OAT: variants seen among roughly 807,000 people sequenced by gnomAD.
OAT encodes ornithine aminotransferase.
In OAT, 35 loss-of-function variants were observed where a neutral mutation model predicts 48.4. The ratio of observed to expected loss-of-function variants is 0.72; its 90% confidence interval spans 0.55 to 0.96. The LOEUF is 0.96. Ranked by LOEUF, OAT falls within the 40% of genes least tolerant of loss-of-function variation. OAT has a pLI of 0.00. For synonymous variants in OAT, 182 were observed against 198.4 expected, an observed-to-expected ratio of 0.92 and a Z score of 0.70; for missense variants, 438 against 537.9, an observed-to-expected ratio of 0.81 and a Z score of 1.84.
At chr10:124,417,160 C>T (rs534416932) in intron 1 of OAT, among the ~76,000 whole-genome samples, 1 of 149,422 alleles carries the variant, frequency 6.7e-6, no homozygotes, top group South Asian at 2.1e-4. Context: ...AAGACAGCTG[C>T]TTTGAGGGAA....
At chr10:124,399,177 A>C (rs184495089) in intron 9 of OAT, among the ~76,000 whole-genome samples, 1 of 152,234 alleles carries the variant, frequency 6.6e-6, no homozygotes, top group East Asian at 1.9e-4. Context: ...TCGCTTCCTG[A>C]GCTCAACATA....
intron 8 of OAT, 33 bp from the exon 9 acceptor site, chr10:124,401,017 G>T: frequency 6.4e-7 from 1 of 1,561,918 alleles, no homozygotes; most frequent in South Asian, 1.1e-5. Context: ...CAAATATTAA[G>T]ACTGTCCTTT....
intron 4 of OAT, 72 bp downstream of exon 4, chr10:124,408,470 G>T: frequency 7.6e-7 from 1 of 1,321,476 alleles, no homozygotes; most frequent in Non-Finnish European, 1.1e-6. Flanking sequence ...ACAGGCATGA[G>T]CCACCATGCC....
intron 5 of OAT, 32 bp downstream of exon 5, chr10:124,405,404 A>G (rs749878306): frequency 5.0e-6 from 8 of 1,612,372 alleles, no homozygotes; most frequent in South Asian, 2.2e-5. Flanking sequence ...TCTATTCCCA[A>G]TGAGCTGAGC....
intron 9 of OAT, among the ~76,000 whole-genome samples, chr10:124,399,044 TAAATA>T (rs1228362685): frequency 6.7e-6 from 1 of 150,212 alleles, no homozygotes; most frequent in Admixed American, 6.6e-5. Flanking sequence ...AAAAATAAAA[TAAATA>T]AAATAAATAA....
chr10:124,406,847 C>A, intron 4 of OAT: 46 of 357,320 alleles, frequency 1.3e-4, no homozygotes, highest in East Asian at 1.7e-4. Flanking sequence ...ATGATCACAA[C>A]TGGCAAGATC....
intron 4 of OAT, among the ~76,000 whole-genome samples, chr10:124,407,734 TA>T (rs1414996705): frequency 6.6e-6 from 1 of 152,130 alleles, no homozygotes; most frequent in Non-Finnish European, 1.5e-5. Context: ...TTTAAAAAAA[TA>T]AAGCTTAAAA....
intron 1 of OAT, among the ~76,000 whole-genome samples, chr10:124,413,474 G>A (rs867122101): frequency 6.6e-6 from 1 of 152,046 alleles, no homozygotes; most frequent in Non-Finnish European, 1.5e-5. Flanking sequence ...CACCTGAATC[G>A]GGAGTTCGAG....
chr10:124,405,529 G>A lies in OAT; in HGVS notation c.555C>T (p.Ile185=). ...AACTGGTTGGGTCTGTGGAACTGGA[G>A]ATAGCAGACAACGTCCTACCCCAGA... is the stretch of plus-strand genomic sequence containing the variant. ...GNFWGRTLSA[I]SSSTDPTSYD... Residue 185 remains isoleucine (I), a synonymous_variant, in exon 5 of 10, where the codon ATC becomes ATT. Transcript: ENST00000368845. 6.2e-7 allele frequency: 1 copy of A among 1,614,108 alleles called. No homozygotes were observed. The highest frequency in any genetic ancestry group is 1.1e-5 in the South Asian group (1 of 91,084).
chr10:124,401,995 C>T (rs564598319), intron 7 of OAT, among the ~76,000 whole-genome samples, 156 bp from the exon 8 acceptor site: 20 of 152,252 alleles, frequency 1.3e-4, no homozygotes, highest in African/African-American at 4.8e-4. Flanking sequence ...AATTCTCCTG[C>T]CTCAGCCTCC....
At chr10:124,407,377 C>T (rs906964596) in intron 4 of OAT, 117 of 983,656 alleles carry the variant, frequency 1.2e-4, no homozygotes, top group Non-Finnish European at 1.4e-4. Context: ...GTGAAAACAT[C>T]TTTGCACCCT....
Position 124,412,512 on chromosome 10 carries a change from G to GA in OAT, c.-29-313dup, listed in dbSNP as rs567489641. Among the ~76,000 whole-genome samples the GA allele has an allele frequency of 1.5e-3, 220 of 147,544 alleles. 2 individuals are homozygous for GA. The highest frequency in any genetic ancestry group is 6.0e-3 in the South Asian group (28 of 4,660). Reference sequence around the variant, plus strand: ...GAGACAAAGAAAGGCCCAGTCTCAAGAAAAAAAAAATGGCCAGGCGTGATA... The same window carrying GA: ...GAGACAAAGAAAGGCCCAGTCTCAAGAAAAAAAAAAATGGCCAGGCGTGATA... On this transcript the variant is annotated intron_variant, in intron 1 of 9. Coordinates refer to ENST00000368845, the MANE Select transcript of OAT (RefSeq NM_000274.4).
At chr10:124,401,695 A>T in intron 8 of OAT, 31 bp downstream of exon 8, 1 of 1,406,496 alleles carries the variant, frequency 7.1e-7, no homozygotes, top group Non-Finnish European at 1.0e-6. Flanking sequence ...GCTTTAAAGA[A>T]TAGACACTGT....
rs2134476814 is a variant in OAT at position 124,408,541 on chromosome 10, C to A, written c.520+1G>T. 6.2e-7 allele frequency: 1 copy of A among 1,606,216 alleles called. No individual in the cohort carries two copies. Among genetic ancestry groups the A allele is most frequent in the Non-Finnish European group, 8.5e-7 (1 of 1,175,110 alleles). ...AGAAGTTAATATTTAATTTCACATACCTGCAAAAACAATCTTTGCTTTGTA... is the reference window on the plus strand; with the variant it reads ...AGAAGTTAATATTTAATTTCACATAACTGCAAAAACAATCTTTGCTTTGTA... On this transcript the variant is annotated splice_donor_variant, in intron 4 of 9. Coordinates refer to ENST00000368845, the MANE Select transcript of OAT (RefSeq NM_000274.4). LOFTEE classifies it high-confidence loss of function.
In OAT at chr10:124,397,885, A is replaced by C; in HGVS notation, c.*57T>G. On this transcript the variant is annotated 3_prime_UTR_variant, in exon 10 of 10. Transcript: ENST00000368845. ...TGCCCACATTAGGAATAAAGCTTTT[A>C]CAGGACCACCTGTCTCCAGCTGGCT... 1 of 1,607,428 alleles carries C rather than the reference A, an allele frequency of 6.2e-7. No individual in the cohort carries two copies. The highest frequency in any genetic ancestry group is 8.5e-7 in the Non-Finnish European group (1 of 1,174,846).
intron 1 of OAT, among the ~76,000 whole-genome samples, 198 bp downstream of exon 1, chr10:124,418,675 G>A (rs985845221): frequency 4.6e-5 from 7 of 152,064 alleles, no homozygotes; most frequent in Non-Finnish European, 7.4e-5. Flanking sequence ...AGGGCGCCCG[G>A]GTCCGAGCCG....
At chr10:124,417,404 C>A (rs1951953333) in intron 1 of OAT, among the ~76,000 whole-genome samples, 2 of 151,320 alleles carry the variant, frequency 1.3e-5, no homozygotes, top group African/African-American at 4.9e-5. Context: ...CCTGCCTCAG[C>A]CTCCCGAGTA....
intron 7 of OAT, among the ~76,000 whole-genome samples, chr10:124,402,630 TGA>T (rs538478528): frequency 7.2e-4 from 109 of 152,348 alleles, no homozygotes; most frequent in African/African-American, 2.5e-3. Flanking sequence ...GCCATGTTTC[TGA>T]ACACTGGAAA....
At chr10:124,411,815 C>CAAAAAA (rs60176788) in intron 2 of OAT, among the ~76,000 whole-genome samples, 158 bp downstream of exon 2, 2 of 107,592 alleles carry the variant, frequency 1.9e-5, no homozygotes, top group African/African-American at 6.8e-5. Context: ...GACTCCGTCT[C>CAAAAAA]AAAAAAAAAA....
Sources: allele counts gnomAD v4.1 joint callset (sites outside exome capture counted in the v4.1 genomes callset), GRCh38; gene constraint gnomAD v4.1.1; transcripts MANE v1.5; gene names NCBI Gene and HGNC (gene_info 2026-07-23, HGNC 2026-07-21).